The following SNX8 variants were observed in gnomAD, a reference collection of about 807,000 sequenced individuals.
SNX8 encodes sorting nexin-8.
In SNX8, 25 loss-of-function variants were observed where a neutral mutation model predicts 51.6. That is an observed-to-expected ratio of 0.48 (90% CI 0.35 to 0.68). The LOEUF is 0.68. SNX8 is among the 30% of genes least tolerant of loss of function. SNX8 has a pLI of 0.00. For missense variants in SNX8, 695 were observed against 624.0 expected, an observed-to-expected ratio of 1.11 and a Z score of -1.21; for synonymous variants, 324 against 277.0, an observed-to-expected ratio of 1.17 and a Z score of -1.68.
At position 2,257,724 on chromosome 7, in the gene SNX8, C is replaced by T; in HGVS notation, c.984+11G>A. The stretch of plus-strand genomic sequence containing the variant: ...AGTTCTGCCCCCAGCCAAGGAGCAG[C>T]CAAGACTCACCTTATAGGACTGCAG... On this transcript the variant is annotated intron_variant, in intron 8 of 10. Coordinates refer to ENST00000222990, the MANE Select transcript of SNX8 (RefSeq NM_013321.4). 6.2e-7 allele frequency: 1 copy of T among 1,613,202 alleles called. No homozygotes were observed. Among genetic ancestry groups the T allele is most frequent in the South Asian group, 1.1e-5 (1 of 91,062 alleles).
intron 1 of SNX8, among the ~76,000 whole-genome samples, chr7:2,335,127 C>T (rs879396938): frequency 1.6e-4 from 24 of 150,462 alleles, no homozygotes; most frequent in African/African-American, 5.1e-4. Context: ...ACCCTGAAGG[C>T]GGAGTTTGCA....
chr7:2,255,539 G>T (rs1795156039), intron 10 of SNX8, among the ~76,000 whole-genome samples: 1 of 152,170 alleles, frequency 6.6e-6, no homozygotes, highest in South Asian at 2.1e-4. Flanking sequence ...AAACACCAAG[G>T]CCAGCCTGGG....
At chr7:2,286,846 A>T (rs1014883669) in intron 1 of SNX8, among the ~76,000 whole-genome samples, 2 of 152,096 alleles carry the variant, frequency 1.3e-5, no homozygotes, top group African/African-American at 4.8e-5. Context: ...TATTTTTAAA[A>T]AATTAATTTT....
At chr7:2,352,433 C>T (rs1183900602) in intron 1 of SNX8, among the ~76,000 whole-genome samples, 1 of 152,100 alleles carries the variant, frequency 6.6e-6, no homozygotes, top group Non-Finnish European at 1.5e-5. Context: ...GACACACCAC[C>T]AGACACCACA....
intron 5 of SNX8, among the ~76,000 whole-genome samples, chr7:2,269,163 CTT>C (rs1330217779): frequency 3.3e-5 from 5 of 150,194 alleles, no homozygotes; most frequent in Non-Finnish European, 5.9e-5. Context: ...ACATGGGAGA[CTT>C]TTCATTTTGT....
At chr7:2,305,550 G>C (rs1409057810) in intron 1 of SNX8, among the ~76,000 whole-genome samples, 1 of 152,000 alleles carries the variant, frequency 6.6e-6, no homozygotes, top group Non-Finnish European at 1.5e-5. Flanking sequence ...TTTTATTAGA[G>C]AGGAGGTTTC....
At chr7:2,296,861 C>CA (rs1796284466) in intron 1 of SNX8, among the ~76,000 whole-genome samples, 1 of 151,662 alleles carries the variant, frequency 6.6e-6, no homozygotes, top group Non-Finnish European at 1.5e-5. Context: ...ACCTGGGAGG[C>CA]AGAGGTTGCA....
intron 1 of SNX8, among the ~76,000 whole-genome samples, chr7:2,303,480 C>T (rs1796462387): frequency 6.6e-6 from 1 of 152,220 alleles, no homozygotes; most frequent in Non-Finnish European, 1.5e-5. Flanking sequence ...GAGAACAGGC[C>T]AGGATGACAA....
At chr7:2,330,866 A>C (rs114056521) in intron 1 of SNX8, among the ~76,000 whole-genome samples, 1 of 152,214 alleles carries the variant, frequency 6.6e-6, no homozygotes, top group African/African-American at 2.4e-5. Context: ...AGAAGATTAA[A>C]TCATAACCAA....
At chr7:2,302,484 T>C (rs371438093) in intron 1 of SNX8, among the ~76,000 whole-genome samples, 3 of 152,170 alleles carry the variant, frequency 2.0e-5, no homozygotes, top group African/African-American at 7.2e-5. Context: ...TGCCTTGGCC[T>C]CCCAAAGTGC....
At chr7:2,319,739 T>A (rs374499627) in intron 1 of SNX8, among the ~76,000 whole-genome samples, 13 of 123,768 alleles carry the variant, frequency 1.1e-4, no homozygotes, top group African/African-American at 4.1e-4. Flanking sequence ...GGTGCGAACC[T>A]GGGAGCCGGA....
chr7:2,258,995 G>A (rs1795269854), intron 7 of SNX8, among the ~76,000 whole-genome samples: 1 of 152,074 alleles, frequency 6.6e-6, no homozygotes, highest in African/African-American at 2.4e-5. Flanking sequence ...GGCCTCCCCG[G>A]CTTACACCAG....
intron 7 of SNX8, among the ~76,000 whole-genome samples, chr7:2,260,587 T>G (rs975285547): frequency 5.3e-5 from 8 of 152,120 alleles, no homozygotes; most frequent in African/African-American, 1.9e-4. Flanking sequence ...TATGGCTACC[T>G]TCAGCTCCTA....
At chr7:2,301,450 A>AAGC (rs1796391433) in intron 1 of SNX8, among the ~76,000 whole-genome samples, 1 of 152,220 alleles carries the variant, frequency 6.6e-6, no homozygotes, top group African/African-American at 2.4e-5. Flanking sequence ...ACTTTTATTG[A>AAGC]AGCAGCAGCA....
intron 1 of SNX8, among the ~76,000 whole-genome samples, chr7:2,350,587 C>G (rs1779117870): frequency 6.6e-6 from 1 of 152,144 alleles, no homozygotes; most frequent in Admixed American, 6.6e-5. Flanking sequence ...AAGGTTTGCT[C>G]TAAGCCAGGA....
At chr7:2,317,251 C>CTTT (rs780593342), upstream of SNX8, among the ~76,000 whole-genome samples, 31 of 43,118 alleles carry the variant, frequency 7.2e-4, 2 homozygotes, top group Admixed American at 1.4e-3. Flanking sequence ...CCTGGACCTT[C>CTTT]TTTTTTTTTT....
At chr7:2,320,591 G>C (rs577560675) in intron 1 of SNX8, among the ~76,000 whole-genome samples, 6 of 152,112 alleles carry the variant, frequency 3.9e-5, no homozygotes, top group African/African-American at 1.4e-4. Context: ...CCTGGTGGTG[G>C]TGTGTTCCTG....
chr7:2,316,067 CCACT>C (rs1288897066), upstream of SNX8, among the ~76,000 whole-genome samples: 2 of 131,082 alleles, frequency 1.5e-5, no homozygotes, highest in East Asian at 2.5e-4. Context: ...ATCTACCCAC[CCACT>C]CACTCATGCA....
chr7:2,342,110 C>T (rs141902087), intron 1 of SNX8, among the ~76,000 whole-genome samples: 3,543 of 139,328 alleles, frequency 0.025, 96 homozygotes, highest in Admixed American at 0.067. Flanking sequence ...ATCTGGGAGG[C>T]GGAGGTTGCA....
Sources: allele counts gnomAD v4.1 joint callset (sites outside exome capture counted in the v4.1 genomes callset), GRCh38; gene constraint gnomAD v4.1.1; transcripts MANE v1.5; gene names NCBI Gene and HGNC (gene_info 2026-07-23, HGNC 2026-07-21).